SCCPDH: variants seen among roughly 807,000 people sequenced by gnomAD.
SCCPDH encodes saccharopine dehydrogenase (putative), also known as saccharopine dehydrogenase-like oxidoreductase.
In SCCPDH, 34 loss-of-function variants were observed where a neutral mutation model predicts 51.5. That is an observed-to-expected ratio of 0.66 (90% CI 0.50 to 0.88). The LOEUF is 0.88. Ranked by LOEUF, SCCPDH falls within the 40% of genes least tolerant of loss-of-function variation. The pLI is 0.00. For missense variants in SCCPDH, 464 were observed against 527.1 expected, an observed-to-expected ratio of 0.88 and a Z score of 1.17; for synonymous variants, 187 against 191.3, an observed-to-expected ratio of 0.98 and a Z score of 0.19.
chr1:246,758,920 C>T, intron 6 of SCCPDH, 114 bp from the exon 7 acceptor site: 1 of 752,104 alleles, frequency 1.3e-6, no homozygotes, highest in South Asian at 1.4e-5. Flanking sequence ...TCCCAAAGTG[C>T]TGGGATTACA....
At chr1:246,747,695 A>G (rs539528662) in intron 5 of SCCPDH, among the ~76,000 whole-genome samples, 3 of 22,338 alleles carry the variant, frequency 1.3e-4, no homozygotes, top group South Asian at 3.1e-3. Flanking sequence ...CCTTTTGGCT[A>G]GGGTTGGACT....
intron 11 of SCCPDH, 30 bp from the exon 12 acceptor site, chr1:246,767,165 G>A: frequency 6.7e-7 from 1 of 1,498,332 alleles, no homozygotes; most frequent in Non-Finnish European, 9.2e-7. Flanking sequence ...GGAGCTGAGT[G>A]CACTGTTTTC....
chr1:246,733,568 A>C (rs988031569), intron 2 of SCCPDH, among the ~76,000 whole-genome samples: 6 of 151,720 alleles, frequency 4.0e-5, no homozygotes, highest in African/African-American at 4.8e-5. Context: ...CAGCCTCCCA[A>C]AGTGCTGAGA....
chr1:246,767,071 T>C, intron 11 of SCCPDH, 124 bp from the exon 12 acceptor site: 1 of 563,148 alleles, frequency 1.8e-6, no homozygotes, highest in Non-Finnish European at 3.0e-6. Flanking sequence ...GAATCAAAGG[T>C]AGCCGTGATT....
intron 4 of SCCPDH, among the ~76,000 whole-genome samples, chr1:246,740,617 T>A (rs1020289996): frequency 6.6e-6 from 1 of 152,246 alleles, no homozygotes; most frequent in Non-Finnish European, 1.5e-5. Flanking sequence ...TCAGCACATT[T>A]TAAAGCATAA....
chr1:246,754,631 C>T (rs989597054), intron 5 of SCCPDH, among the ~76,000 whole-genome samples: 1 of 152,202 alleles, frequency 6.6e-6, no homozygotes, highest in Admixed American at 6.5e-5. Context: ...ATTCCTGTCC[C>T]TTTTAAGGGC....
intron 5 of SCCPDH, among the ~76,000 whole-genome samples, chr1:246,753,995 T>C (rs987493412): frequency 6.6e-6 from 1 of 152,066 alleles, no homozygotes; most frequent in Non-Finnish European, 1.5e-5. Context: ...ATCCTTGTTA[T>C]CTTTGTCCTT....
intron 5 of SCCPDH, among the ~76,000 whole-genome samples, chr1:246,757,130 GGT>G (rs1325434086): frequency 6.6e-6 from 1 of 152,174 alleles, no homozygotes; most frequent in Non-Finnish European, 1.5e-5. Flanking sequence ...GCTTGCCTGA[GGT>G]CAGAAGTTCG....
intron 3 of SCCPDH, among the ~76,000 whole-genome samples, chr1:246,739,159 T>A (rs944196023): frequency 6.6e-6 from 1 of 152,106 alleles, no homozygotes; most frequent in Non-Finnish European, 1.5e-5. Flanking sequence ...GTGTGTCACC[T>A]TCTGGGAGAG....
Position 246,766,111 on chromosome 1 carries a change from C to G in SCCPDH, c.1156C>G (p.Leu386Val), listed in dbSNP as rs775913231. Reference protein sequence around the residue: ...IAMVQAAMTLLSDASHLPKAG... With the variant: ...IAMVQAAMTLVSDASHLPKAG... ...TATGGTTCAGGCAGCCATGACTCTT[C>G]TAAGTGATGCTTCTCATCTGCCTAA... Residue 386 changes from leucine (L) to valine (V), a missense_variant, in exon 11 of 12, where the codon CTA becomes GTA. Leu to Val is a conservative substitution (Grantham distance 32). Coordinates refer to ENST00000366510, the MANE Select transcript of SCCPDH (RefSeq NM_016002.3). 1 of 1,613,144 alleles carries G rather than the reference C, an allele frequency of 6.2e-7. No homozygotes were observed. The highest frequency in any genetic ancestry group is 1.1e-5 in the South Asian group (1 of 90,986).
chr1:246,738,313 C>T (rs1572295721), intron 3 of SCCPDH, among the ~76,000 whole-genome samples: 1 of 151,478 alleles, frequency 6.6e-6, no homozygotes, highest in Non-Finnish European at 1.5e-5. Context: ...GAGATCGAGA[C>T]CATCTTGGCC....
At chr1:246,728,552 A>G (rs1668437099) in intron 2 of SCCPDH, among the ~76,000 whole-genome samples, 1 of 152,082 alleles carries the variant, frequency 6.6e-6, no homozygotes, top group Admixed American at 6.6e-5. Flanking sequence ...GGTGCTTAGC[A>G]CCTCCGGCAG....
intron 5 of SCCPDH, 135 bp downstream of exon 5, chr1:246,744,260 TGC>T: frequency 2.3e-6 from 1 of 436,028 alleles, no homozygotes; most frequent in Non-Finnish European, 4.1e-6. Context: ...AAAGATACAT[TGC>T]CAAGATTACT....
chr1:246,725,825 G>GA (rs1432509119), intron 1 of SCCPDH, among the ~76,000 whole-genome samples: 1 of 152,144 alleles, frequency 6.6e-6, no homozygotes, highest in Non-Finnish European at 1.5e-5. Flanking sequence ...ATTGTGGGGG[G>GA]ATATACCTTC....
intron 9 of SCCPDH, among the ~76,000 whole-genome samples, chr1:246,761,123 T>C (rs1340119878): frequency 6.6e-6 from 1 of 152,124 alleles, no homozygotes; most frequent in Admixed American, 6.5e-5. Context: ...GTAGCATCAT[T>C]GTTCCATCCC....
intron 4 of SCCPDH, among the ~76,000 whole-genome samples, chr1:246,743,138 C>T (rs1668704376): frequency 1.3e-5 from 2 of 152,022 alleles, no homozygotes; most frequent in Non-Finnish European, 2.9e-5. Context: ...GTTTTTCTGT[C>T]ACCTAGGCTG....
At chr1:246,747,468 C>T (rs527314314) in intron 5 of SCCPDH, among the ~76,000 whole-genome samples, 97 of 152,262 alleles carry the variant, frequency 6.4e-4, no homozygotes, top group African/African-American at 2.3e-3. Context: ...TGTGGGTCAC[C>T]TGAGGTCAGG....
intron 5 of SCCPDH, among the ~76,000 whole-genome samples, chr1:246,756,866 A>C (rs1668939551): frequency 6.6e-6 from 1 of 152,212 alleles, no homozygotes; most frequent in Non-Finnish European, 1.5e-5. Flanking sequence ...TGCCTCCCAC[A>C]TATCCCTCTT....
chr1:246,752,265 G>A (rs990677442), intron 5 of SCCPDH, among the ~76,000 whole-genome samples: 6 of 152,084 alleles, frequency 3.9e-5, no homozygotes, highest in Non-Finnish European at 5.9e-5. Flanking sequence ...TTAATTATGT[G>A]CTAGGTGTAG....
Sources: allele counts gnomAD v4.1 joint callset (sites outside exome capture counted in the v4.1 genomes callset), GRCh38; gene constraint gnomAD v4.1.1; transcripts MANE v1.5; gene names NCBI Gene and HGNC (gene_info 2026-07-23, HGNC 2026-07-21).